ELL: variants seen among roughly 807,000 people sequenced by gnomAD.
The protein encoded by ELL is RNA polymerase II elongation factor ELL.
A neutral mutation model predicts 64.0 loss-of-function variants in ELL; 18 were observed. The observed-to-expected ratio is 0.28, with a 90% CI of 0.19 to 0.42. The LOEUF is 0.42. Among genes scored for constraint, ELL ranks in the 10% least tolerant of loss-of-function variants. The pLI is 1.00. For missense variants in ELL, 797 were observed against 870.4 expected (o/e 0.92, Z 1.06); for synonymous variants, 399 against 376.2 (o/e 1.06, Z -0.70).
At position 18,444,480 on chromosome 19, in the gene ELL, C is replaced by T. The variant is rs1481777844; in HGVS notation, c.*272G>A. 4 of 425,264 alleles carry T rather than the reference C, an allele frequency of 9.4e-6. No individual in the cohort carries two copies. The East Asian group carries it at 1.5e-4, about 16-fold the overall frequency. The allele number at this position is 425,264 out of a possible 1,614,324, so 26.3% of individuals were successfully genotyped here. ...AGGGCCTAGGAGTCTTCTGGCGAGACAGGAGGCTGAACCCCGGAGGCTGCA... is the reference window on the plus strand; with the variant it reads ...AGGGCCTAGGAGTCTTCTGGCGAGATAGGAGGCTGAACCCCGGAGGCTGCA... On this transcript the variant is annotated 3_prime_UTR_variant, in exon 12 of 12. Coordinates refer to ENST00000262809, the MANE Select transcript of ELL (RefSeq NM_006532.4).
chr19:18,451,509 C>G, intron 7 of ELL, 43 bp downstream of exon 7: 1 of 1,429,320 alleles, frequency 7.0e-7, no homozygotes, highest in Non-Finnish European at 9.2e-7. Context: ...ACAGAGTGCC[C>G]TGCAGGTGCT....
In ELL at chr19:18,461,602, G is replaced by A. The variant is rs750065138; in HGVS notation, c.720C>T (p.Asp240=). The change falls in exon 5 of 12, where the codon GAC becomes GAT. Residue 240 remains aspartate, a synonymous_variant. Coordinates refer to ENST00000262809, the MANE Select transcript of ELL (RefSeq NM_006532.4). Reference sequence around the variant, plus strand: ...CCTGCTGGAGGAGGCCATCCAGCGCGTCCTTGTCCGCCTGCGTCAGGCCGT... The same window carrying A: ...CCTGCTGGAGGAGGCCATCCAGCGCATCCTTGTCCGCCTGCGTCAGGCCGT... ...QKDGLTQADK[D]ALDGLLQQVA... is the part of the protein sequence containing the mutation. The A allele has an allele frequency of 1.4e-5, 23 of 1,605,138 alleles. No individual in the cohort carries two copies. Among genetic ancestry groups the A allele is most frequent in the Middle Eastern group, 1.7e-4 (1 of 5,992 alleles).
At chr19:18,497,908 C>A (rs1406366146) in intron 1 of ELL, among the ~76,000 whole-genome samples, 1 of 150,684 alleles carries the variant, frequency 6.6e-6, no homozygotes, top group East Asian at 2.0e-4. Flanking sequence ...GAGAGCAGAT[C>A]GCCTGAGGTC....
rs144748505 is a variant in ELL at position 18,504,552 on chromosome 19, T to C, written c.135+17369A>G. 4.7e-3 allele frequency among the ~76,000 whole-genome samples: 718 copies of C among 152,266 alleles called. 3 individuals are homozygous for C. The highest frequency in any genetic ancestry group is 7.6e-3 in the Non-Finnish European group (515 of 68,006). On this transcript the variant is annotated intron_variant, in intron 1 of 11. Coordinates refer to ENST00000262809, the MANE Select transcript of ELL (RefSeq NM_006532.4). ...CTGGGTCCGGTCATCAGAGCAGTGA[T>C]GCTCTCTGTCATTGGTCAGCAGAGG...
intron 1 of ELL, among the ~76,000 whole-genome samples, chr19:18,490,471 A>G (rs1975504869): frequency 6.6e-6 from 1 of 152,178 alleles, no homozygotes; most frequent in Non-Finnish European, 1.5e-5. Context: ...GCGGGAGCCC[A>G]TGGGCAGTGG....
At chr19:18,495,924 A>T (rs1427080986) in intron 1 of ELL, among the ~76,000 whole-genome samples, 1 of 152,190 alleles carries the variant, frequency 6.6e-6, no homozygotes, top group Non-Finnish European at 1.5e-5. Context: ...GCTGAGGAGC[A>T]GGCTCCCGCC....
rs74180885 is a variant in ELL at position 18,458,377 on chromosome 19, G to A, written c.745-48C>T. On this transcript the variant is annotated intron_variant, in intron 5 of 11. Coordinates refer to ENST00000262809, the MANE Select transcript of ELL (RefSeq NM_006532.4). The stretch of plus-strand genomic sequence containing the variant: ...ACTTTGTGGGAATCCTGAGAGAGAC[G>A]GGGGACTAGAGAAAAAAGATCTGAT... 1.7e-3 allele frequency: 2,700 copies of A among 1,588,064 alleles called. 21 individuals are homozygous for A. Among genetic ancestry groups the A allele is most frequent in the South Asian group, 0.012 (1,067 of 89,856 alleles).
At position 18,461,673 on chromosome 19, in the gene ELL, G is replaced by A; in HGVS notation, c.649C>T (p.Leu217=). 1 of 1,613,294 alleles carries A rather than the reference G, an allele frequency of 6.2e-7. No individual in the cohort carries two copies. Among genetic ancestry groups the A allele is most frequent in the East Asian group, 2.2e-5 (1 of 44,892 alleles). ...AGCTCAGCCTTGCGGTAGGGCCGTA[G>A]TGCCAGGAGGTGCAGCACTCGGTCA... ...FRDRVLHLLA[L]RPYRKAELLL... Residue 217 remains leucine (L), a synonymous_variant, in exon 5 of 12, where the codon CTA becomes TTA. Coordinates refer to ENST00000262809, the MANE Select transcript of ELL (RefSeq NM_006532.4).
At chr19:18,470,843 GCCAGCCCTGAGGGTTACAGACTCC>G in intron 2 of ELL, 2 of 401,394 alleles carry the variant, frequency 5.0e-6, no homozygotes, top group East Asian at 1.5e-4. Context: ...GAGGTCTGCA[GCCAGCCCTGAGGGTTACAGACTCC>G]CCAGCCCACA....
chr19:18,472,858 T>C lies in ELL; in HGVS notation c.160A>G (p.Ile54Val), dbSNP rs1975092993. Reference sequence around the variant, plus strand: ...ACCCCTTGGCTTCCTTGAAATCGGATAGATGGCCTCAGTGAAACAGAATCC... The same window carrying C: ...ACCCCTTGGCTTCCTTGAAATCGGACAGATGGCCTCAGTGAAACAGAATCC... Reference protein sequence around the residue: ...RQDSVSLRPSIRFQGSQGHIS... With the variant: ...RQDSVSLRPSVRFQGSQGHIS... The change falls in exon 2 of 12, where the codon ATC becomes GTC. Residue 54 changes from isoleucine (I) to valine (V), a missense_variant. Ile to Val is a conservative substitution (Grantham distance 29). Coordinates refer to ENST00000262809, the MANE Select transcript of ELL (RefSeq NM_006532.4). The C allele has an allele frequency of 7.1e-6, 11 of 1,559,188 alleles. No individual in the cohort carries two copies. The highest frequency in any genetic ancestry group is 4.0e-5 in the Admixed American group (2 of 50,322).
chr19:18,495,178 C>T (rs972257593), intron 1 of ELL, among the ~76,000 whole-genome samples: 3 of 152,156 alleles, frequency 2.0e-5, no homozygotes, highest in African/African-American at 7.2e-5. Context: ...GGTTAGGGAC[C>T]ACTGAGCCGA....
intron 6 of ELL, among the ~76,000 whole-genome samples, chr19:18,453,281 A>G (rs568625800): frequency 6.0e-4 from 92 of 152,388 alleles, no homozygotes; most frequent in Non-Finnish European, 1.0e-3. Flanking sequence ...TCTCAAAAAC[A>G]TAAAATAAAT....
intron 1 of ELL, among the ~76,000 whole-genome samples, chr19:18,483,711 A>T (rs758953830): frequency 6.6e-6 from 1 of 152,198 alleles, no homozygotes; most frequent in South Asian, 2.1e-4. Flanking sequence ...ACATGATCCC[A>T]GGGTAGCAGG....
chr19:18,444,626 T>C lies in ELL; in HGVS notation c.*126A>G, dbSNP rs1444872295. 1 of 1,053,210 alleles carries C rather than the reference T, an allele frequency of 9.5e-7. No individual in the cohort carries two copies. Among genetic ancestry groups the C allele is most frequent in the African/African-American group, 1.6e-5 (1 of 62,338 alleles). 65.2% of individuals were successfully genotyped at this position (1,053,210 alleles called of 1,614,324 possible). On this transcript the variant is annotated 3_prime_UTR_variant, in exon 12 of 12. Transcript: ENST00000262809. ...GCCAGGGCCAGACGTCTGCAGGGGC[T>C]GCCCTGAAAGCCGGCGGTGCTGGCT...
intron 6 of ELL, among the ~76,000 whole-genome samples, chr19:18,454,264 C>T (rs1974604946): frequency 6.6e-6 from 1 of 152,154 alleles, no homozygotes; most frequent in African/African-American, 2.4e-5. Context: ...CTTTGGGAGG[C>T]CGAGGCAGGT....
rs182131354 is a variant in ELL, at chr19:18,503,383, C to T, written c.135+18538G>A. Among the ~76,000 whole-genome samples, 45 of 152,184 alleles carry T rather than the reference C, an allele frequency of 3.0e-4. 1 individual carries two copies. Among genetic ancestry groups the T allele is most frequent in the Admixed American group, 2.7e-3 (42 of 15,284 alleles). On this transcript the variant is annotated intron_variant, in intron 1 of 11. Transcript: ENST00000262809. ...AGGGAGTGAAGCAGACCCATAGGAGCGAGGGAGCCCCAGCAAGTGGGGGGC... is the reference window on the plus strand; with the variant it reads ...AGGGAGTGAAGCAGACCCATAGGAGTGAGGGAGCCCCAGCAAGTGGGGGGC...
intron 9 of ELL, 125 bp downstream of exon 9, chr19:18,446,623 T>TA: frequency 6.7e-7 from 1 of 1,493,886 alleles, no homozygotes; most frequent in Non-Finnish European, 9.1e-7. Flanking sequence ...AAGAGGCTGC[T>TA]ATGTTTGGAA....
chr19:18,453,112 A>G (rs1427927595), intron 6 of ELL, among the ~76,000 whole-genome samples: 6 of 152,274 alleles, frequency 3.9e-5, no homozygotes, highest in Non-Finnish European at 7.4e-5. Context: ...TCTCTCCTAA[A>G]CGTACAAAAA....
chr19:18,507,865 GGCAGAC>G (rs1975918818), intron 1 of ELL, among the ~76,000 whole-genome samples: 1 of 152,308 alleles, frequency 6.6e-6, no homozygotes, highest in Admixed American at 6.5e-5. Context: ...CCCATCTGGA[GGCAGAC>G]GCCTGACCCC....
Sources: gnomAD v4.1 joint callset for allele counts (sites outside exome capture counted in the v4.1 genomes callset) on GRCh38, gnomAD v4.1.1 for gene constraint, MANE v1.5 for transcripts, NCBI Gene and HGNC (gene_info 2026-07-23, HGNC 2026-07-21) for gene names.